Variants in PPP2R2B observed in about 807,000 individuals in gnomAD.
PPP2R2B encodes the protein protein phosphatase 2 regulatory subunit Bbeta.
A neutral mutation model predicts 46.0 loss-of-function variants in PPP2R2B; 5 were observed. That is an observed-to-expected ratio of 0.11 (90% CI 0.06 to 0.23). PPP2R2B has a LOEUF of 0.23. PPP2R2B is among the 10% of genes least tolerant of loss of function. The pLI is 1.00. For synonymous variants in PPP2R2B, 215 were observed against 206.7 expected, an observed-to-expected ratio of 1.04 and a Z score of -0.34; for missense variants, 367 against 575.0, an observed-to-expected ratio of 0.64 and a Z score of 3.70.
intron 1 of PPP2R2B, among the ~76,000 whole-genome samples, chr5:147,012,169 G>A (rs1406044914): frequency 1.3e-5 from 2 of 151,270 alleles, no homozygotes; most frequent in African/African-American, 4.9e-5. Flanking sequence ...GTTCCTCCTT[G>A]TACCTCTGGT....
chr5:146,620,868 G>A (rs550064836), intron 7 of PPP2R2B, among the ~76,000 whole-genome samples: 3 of 152,308 alleles, frequency 2.0e-5, no homozygotes, highest in South Asian at 2.1e-4. Context: ...AAGAGCTCTC[G>A]AGTGGCTATT....
intron 1 of PPP2R2B, among the ~76,000 whole-genome samples, chr5:146,930,270 G>A (rs1763924069): frequency 6.6e-6 from 1 of 152,168 alleles, no homozygotes; most frequent in African/African-American, 2.4e-5. Flanking sequence ...AGCACAGGCA[G>A]AAGGAACAAC....
chr5:146,785,645 G>A (rs551752439), intron 2 of PPP2R2B, among the ~76,000 whole-genome samples: 1 of 152,236 alleles, frequency 6.6e-6, no homozygotes, highest in East Asian at 1.9e-4. Context: ...ACAAAGGCAA[G>A]CAACGGAACT....
chr5:147,064,950 G>A lies in PPP2R2B; in HGVS notation c.50+16109C>T, dbSNP rs117242503. 1.5e-3 allele frequency among the ~76,000 whole-genome samples: 232 copies of A among 152,226 alleles called. 3 individuals carry two copies. In the East Asian group the frequency reaches 0.021, roughly 14 times the overall value. ...GTCTTCTTGGTTTTTCTTGCTGATT[G>A]GAAAGCTAGTATTCTTTCATTTACT... On this transcript the variant is annotated intron_variant, in intron 2 of 10. Transcript: ENST00000394413.
chr5:146,951,950 T>C (rs1025993892), intron 1 of PPP2R2B, among the ~76,000 whole-genome samples: 1 of 151,628 alleles, frequency 6.6e-6, no homozygotes, highest in Non-Finnish European at 1.5e-5. Context: ...TCTTCCACAA[T>C]GGTTGAACTA....
chr5:146,996,828 C>T (rs1439462694), intron 1 of PPP2R2B, among the ~76,000 whole-genome samples: 1 of 152,096 alleles, frequency 6.6e-6, no homozygotes, highest in African/African-American at 2.4e-5. Flanking sequence ...CTCCCTCCCA[C>T]TGTCTCCTCT....
chr5:146,851,784 A>G (rs1298957541), intron 2 of PPP2R2B, among the ~76,000 whole-genome samples: 2 of 152,102 alleles, frequency 1.3e-5, no homozygotes, highest in African/African-American at 4.8e-5. Flanking sequence ...TAAGATGCAT[A>G]TCTCAACAGA....
intron 2 of PPP2R2B, among the ~76,000 whole-genome samples, chr5:146,870,287 C>T (rs537858498): frequency 2.0e-5 from 3 of 152,250 alleles, no homozygotes; most frequent in Non-Finnish European, 4.4e-5. Context: ...TCCTATGTGA[C>T]TGTATTTGGA....
intron 2 of PPP2R2B, among the ~76,000 whole-genome samples, chr5:146,787,566 C>A (rs995868580): frequency 1.3e-5 from 2 of 151,734 alleles, no homozygotes; most frequent in African/African-American, 4.8e-5. Context: ...TCCCTTCTCT[C>A]TTGTCTTCTC....
chr5:146,668,816 A>G (rs1186746753), intron 5 of PPP2R2B, among the ~76,000 whole-genome samples: 1 of 151,998 alleles, frequency 6.6e-6, no homozygotes, highest in Non-Finnish European at 1.5e-5. Context: ...CTGCTTTCTG[A>G]CCTCTTTGCC....
intron 1 of PPP2R2B, among the ~76,000 whole-genome samples, chr5:147,028,166 T>A (rs1158354085): frequency 6.6e-6 from 1 of 152,214 alleles, no homozygotes; most frequent in African/African-American, 2.4e-5. Context: ...TGGCTTTACC[T>A]CTTAACAGAA....
chr5:147,049,314 C>T (rs1756689123), intron 1 of PPP2R2B, among the ~76,000 whole-genome samples: 1 of 152,058 alleles, frequency 6.6e-6, no homozygotes, highest in Non-Finnish European at 1.5e-5. Flanking sequence ...TTTGTCGAGT[C>T]TCTAGGAGAA....
intron 4 of PPP2R2B, among the ~76,000 whole-genome samples, chr5:146,691,568 A>G (rs951124733): frequency 1.3e-5 from 2 of 152,342 alleles, no homozygotes; most frequent in African/African-American, 4.8e-5. Context: ...AGAGCTTACA[A>G]TGTAACTAAG....
At chr5:146,736,067 C>T (rs1225225641) in intron 2 of PPP2R2B, among the ~76,000 whole-genome samples, 2 of 152,190 alleles carry the variant, frequency 1.3e-5, no homozygotes, top group East Asian at 3.9e-4. Flanking sequence ...GGAGCAGTTT[C>T]CCCCATCCTG....
intron 1 of PPP2R2B, among the ~76,000 whole-genome samples, chr5:146,901,351 A>G (rs1352856513): frequency 1.3e-5 from 2 of 152,088 alleles, no homozygotes; most frequent in African/African-American, 4.8e-5. Flanking sequence ...AATTAAAAAG[A>G]AAAATTAGCC....
intron 2 of PPP2R2B, among the ~76,000 whole-genome samples, chr5:146,842,486 T>TG (rs1554144123): frequency 6.8e-6 from 1 of 147,664 alleles, no homozygotes; most frequent in African/African-American, 2.6e-5. Context: ...ATGCCCTTTT[T>TG]TTTTTTTTTT....
At chr5:146,701,715 C>T (rs1779550420) in intron 2 of PPP2R2B, among the ~76,000 whole-genome samples, 1 of 152,124 alleles carries the variant, frequency 6.6e-6, no homozygotes, top group Non-Finnish European at 1.5e-5. Context: ...TTTGTGAGCC[C>T]AACACATCCT....
At chr5:146,942,289 A>G (rs1378270643) in intron 1 of PPP2R2B, among the ~76,000 whole-genome samples, 1 of 152,232 alleles carries the variant, frequency 6.6e-6, no homozygotes, top group Non-Finnish European at 1.5e-5. Context: ...GGTATAAAGA[A>G]GAAATTAAAA....
chr5:147,032,725 A>G (rs1379528059), intron 1 of PPP2R2B, among the ~76,000 whole-genome samples: 1 of 152,224 alleles, frequency 6.6e-6, no homozygotes, highest in Non-Finnish European at 1.5e-5. Context: ...CATCTTATGT[A>G]TATATACCAC....
Sources: allele counts gnomAD v4.1 joint callset (sites outside exome capture counted in the v4.1 genomes callset), GRCh38; gene constraint gnomAD v4.1.1; transcripts MANE v1.5; gene names NCBI Gene and HGNC (gene_info 2026-07-23, HGNC 2026-07-21).